Variants in SNX30 observed in about 807,000 individuals in gnomAD.
The protein encoded by SNX30 is sorting nexin family member 30.
In SNX30, 24 loss-of-function variants were observed where a neutral mutation model predicts 46.4. The observed-to-expected ratio is 0.52, with a 90% confidence interval of 0.37 to 0.73. SNX30 has a LOEUF of 0.73. Among genes scored for constraint, SNX30 ranks in the 30% least tolerant of loss-of-function variants. The pLI, the probability that SNX30 is intolerant of heterozygous loss-of-function variation, is 0.00. For missense variants in SNX30, 533 were observed against 555.7 expected (o/e 0.96, Z 0.41); for synonymous variants, 189 against 211.5 (o/e 0.89, Z 0.92).
chr9:112,839,079 A>C (rs1354184507), intron 6 of SNX30, among the ~76,000 whole-genome samples: 2 of 152,250 alleles, frequency 1.3e-5, no homozygotes, highest in Non-Finnish European at 2.9e-5. Context: ...AAAGTAAGAC[A>C]AAACAAAAGT....
At chr9:112,884,069 G>T (rs1401904094), downstream of SNX30, among the ~76,000 whole-genome samples, 1 of 152,208 alleles carries the variant, frequency 6.6e-6, no homozygotes, top group East Asian at 1.9e-4. Flanking sequence ...GAGGGTTGTA[G>T]ATAAGCAGAA....
At chr9:112,772,342 T>C (rs1564263514) in intron 1 of SNX30, among the ~76,000 whole-genome samples, 1 of 152,214 alleles carries the variant, frequency 6.6e-6, no homozygotes, top group Non-Finnish European at 1.5e-5. Flanking sequence ...CCTTCACTCT[T>C]CTGCTGTAAC....
In SNX30 at chr9:112,785,361, G is replaced by A. The variant is rs1026742212; in HGVS notation, c.157-19415G>A. Among the ~76,000 whole-genome samples the A allele has an allele frequency of 2.7e-5, 4 of 148,138 alleles. No homozygotes were observed. The South Asian group carries it at 6.5e-4, about 24-fold the overall frequency. On this transcript the variant is annotated intron_variant, in intron 1 of 8. Transcript: ENST00000374232. Reference sequence around the variant, plus strand: ...CTCCCGAGTAGCTGGGACTACAGGTGTGTACTACCATGCCTGGCTAAGTTT... The same window carrying A: ...CTCCCGAGTAGCTGGGACTACAGGTATGTACTACCATGCCTGGCTAAGTTT...
chr9:112,868,930 G>T lies in SNX30; in HGVS notation c.*87G>T, dbSNP rs888772574. ...GTCCCTGCAGTGCCAGAGACGCAGT[G>T]CTGGGAAAACAACCACAGAAACATC... On this transcript the variant is annotated 3_prime_UTR_variant, in exon 9 of 9. Coordinates refer to ENST00000374232, the MANE Select transcript of SNX30 (RefSeq NM_001012994.2). 13 of 1,310,390 alleles carry T rather than the reference G, an allele frequency of 9.9e-6. No homozygotes were observed. The highest frequency in any genetic ancestry group is 1.3e-5 in the Non-Finnish European group (12 of 906,314). 81.2% of individuals were successfully genotyped at this position (1,310,390 alleles called of 1,614,324 possible).
intron 6 of SNX30, among the ~76,000 whole-genome samples, chr9:112,849,353 T>C (rs1447676023): frequency 1.3e-5 from 2 of 152,224 alleles, no homozygotes; most frequent in Non-Finnish European, 2.9e-5. Context: ...ATGAGTAACA[T>C]TGAATAAAAA....
chr9:112,763,409 G>C (rs1284943650), intron 1 of SNX30, among the ~76,000 whole-genome samples: 4 of 127,250 alleles, frequency 3.1e-5, no homozygotes, highest in Non-Finnish European at 6.4e-5. Context: ...TGTGTAGAGA[G>C]AGGCGTCTCA....
chr9:112,831,603 A>C lies in SNX30; in HGVS notation c.618+720A>C, dbSNP rs79223529. On this transcript the variant is annotated intron_variant, in intron 4 of 8. Transcript: ENST00000374232. ...TTCAGGTAGCGTCACTAGGATCTCA[A>C]ATTAGGTCTTTGTGGCTACTGAGGC... Among the ~76,000 whole-genome samples the C allele has an allele frequency of 4.0e-4, 61 of 152,310 alleles. 1 individual carries two copies. Among genetic ancestry groups the C allele is most frequent in the African/African-American group, 1.4e-3 (60 of 41,562 alleles).
rs927105696 is a variant in SNX30 at position 112,870,095 on chromosome 9, C to A, written c.*1252C>A. ...GGGGACTGCTGAGTGTGGTTACAGG[C>A]TGCATTTCAGACAATGACCAGGTTT... On this transcript the variant is annotated 3_prime_UTR_variant, in exon 9 of 9. Transcript: ENST00000374232. 2.0e-5 allele frequency: 3 copies of A among 152,112 alleles called. No individual in the cohort carries two copies. Among genetic ancestry groups the A allele is most frequent in the African/African-American group, 7.2e-5 (3 of 41,408 alleles). The allele number at this position is 152,112 out of a possible 1,614,324, so 9.4% of individuals were successfully genotyped here. A position where few individuals can be genotyped will look rare whatever the true frequency, so the allele number is the denominator to read the frequency against.
intron 2 of SNX30, among the ~76,000 whole-genome samples, chr9:112,808,700 T>C (rs1469301284): frequency 8.2e-6 from 1 of 122,472 alleles, no homozygotes; most frequent in South Asian, 3.2e-4. Context: ...TGACTTTCTA[T>C]ACTACTTCAT....
chr9:112,780,367 A>G (rs555233829), intron 1 of SNX30, among the ~76,000 whole-genome samples: 285 of 152,324 alleles, frequency 1.9e-3, no homozygotes, highest in Non-Finnish European at 3.2e-3. Flanking sequence ...AATCGTTAAG[A>G]TGGTAAGTTT....
chr9:112,856,298 C>T (rs1214687514), intron 7 of SNX30, among the ~76,000 whole-genome samples: 10 of 87,796 alleles, frequency 1.1e-4, no homozygotes, highest in Non-Finnish European at 7.2e-5. Context: ...CCTGGGGTGT[C>T]GGTGTTGGGG....
chr9:112,759,336 T>A (rs749628641), intron 1 of SNX30, among the ~76,000 whole-genome samples: 1 of 152,190 alleles, frequency 6.6e-6, no homozygotes, highest in Non-Finnish European at 1.5e-5. Flanking sequence ...ATCCAGTAGA[T>A]GCTTTATAGT....
At chr9:112,817,567 C>G (rs540049337) in intron 2 of SNX30, 138 bp from the exon 3 acceptor site, 192 of 618,426 alleles carry the variant, frequency 3.1e-4, no homozygotes, top group Non-Finnish European at 4.9e-4. Flanking sequence ...TTGGTAAACT[C>G]TGCCATTTGG....
chr9:112,795,696 G>A (rs1170487749), intron 1 of SNX30, among the ~76,000 whole-genome samples: 3 of 151,692 alleles, frequency 2.0e-5, no homozygotes, highest in African/African-American at 4.8e-5. Context: ...TGTTAGGGGA[G>A]TTGGCTTGAA....
At chr9:112,771,203 A>G (rs1312680869) in intron 1 of SNX30, among the ~76,000 whole-genome samples, 1 of 152,218 alleles carries the variant, frequency 6.6e-6, no homozygotes, top group African/African-American at 2.4e-5. Flanking sequence ...ATTTCCATGC[A>G]TGAACCAAAC....
chr9:112,768,684 C>A (rs1286833124), intron 1 of SNX30, among the ~76,000 whole-genome samples: 1 of 94,574 alleles, frequency 1.1e-5, no homozygotes. Flanking sequence ...TTGAGACGGT[C>A]TTGCTCTTGT....
At chr9:112,831,565 G>A (rs1840659641) in intron 4 of SNX30, among the ~76,000 whole-genome samples, 1 of 152,214 alleles carries the variant, frequency 6.6e-6, no homozygotes, top group African/African-American at 2.4e-5. Context: ...CAAGTTCCAG[G>A]AGCTTGTCCT....
At chr9:112,857,682 CAAG>C (rs951347839) in intron 7 of SNX30, among the ~76,000 whole-genome samples, 1 of 152,090 alleles carries the variant, frequency 6.6e-6, no homozygotes, top group African/African-American at 2.4e-5. Context: ...AACCCAGCTC[CAAG>C]AAGGAGACTT....
At chr9:112,760,977 G>T (rs1303359888) in intron 1 of SNX30, among the ~76,000 whole-genome samples, 6 of 152,180 alleles carry the variant, frequency 3.9e-5, no homozygotes, top group Non-Finnish European at 5.9e-5. Flanking sequence ...ACCTGTGGCC[G>T]CTGGAGGAGG....
Sources: gnomAD v4.1 joint callset for allele counts (sites outside exome capture counted in the v4.1 genomes callset) on GRCh38, gnomAD v4.1.1 for gene constraint, MANE v1.5 for transcripts, NCBI Gene and HGNC (gene_info 2026-07-23, HGNC 2026-07-21) for gene names.